LRRC31: variants seen among roughly 807,000 people sequenced by gnomAD.
The protein encoded by LRRC31 is leucine rich repeat containing 31, also known as leucine-rich repeat-containing protein 31.
Under a neutral mutation model 46.7 loss-of-function variants are expected in LRRC31, and 35 were observed. The observed-to-expected ratio is 0.75, with a 90% CI of 0.57 to 0.99. The LOEUF (loss-of-function observed/expected upper bound fraction) is 0.99, where lower values mean the gene tolerates loss of function less well. Among genes scored for constraint, LRRC31 ranks in the 50% least tolerant of loss-of-function variants. LRRC31 has a pLI of 0.00. For synonymous variants in LRRC31, 236 were observed against 235.1 expected, an observed-to-expected ratio of 1.00 and a Z score of -0.03; for missense variants, 613 against 626.1, an observed-to-expected ratio of 0.98 and a Z score of 0.22.
In LRRC31 at chr3:169,861,070, CTT is replaced by C. The variant is rs11337221; in HGVS notation, c.320-344_320-343del. Among the ~76,000 whole-genome samples the C allele has an allele frequency of 2.1e-3, 261 of 124,976 alleles. 1 individual carries two copies. The highest frequency in any genetic ancestry group is 4.3e-3 in the African/African-American group (143 of 33,178). 82.0% of individuals were successfully genotyped at this position (124,976 alleles called of 152,430 possible). A position where few individuals can be genotyped will look rare whatever the true frequency, so the allele number is the denominator to read the frequency against. ...GATCAATTAACTTGTTTTTCTTTTC[CTT>C]TTTTTTTTTTTTTTTTCAGACGGAG... On this transcript the variant is annotated intron_variant, in intron 2 of 8. Coordinates refer to ENST00000316428, the MANE Select transcript of LRRC31 (RefSeq NM_024727.4).
chr3:169,868,914 TG>T (rs1781409305), intron 1 of LRRC31, among the ~76,000 whole-genome samples: 1 of 151,706 alleles, frequency 6.6e-6, no homozygotes, highest in Admixed American at 6.6e-5. Context: ...GTGTTGTTGG[TG>T]GGGGAGGTGT....
At chr3:169,844,306 AATT>A (rs1158070943) in intron 8 of LRRC31, among the ~76,000 whole-genome samples, 5 of 152,202 alleles carry the variant, frequency 3.3e-5, no homozygotes, top group African/African-American at 1.2e-4. Flanking sequence ...TAATATTATT[AATT>A]ATTATCATTC....
At chr3:169,866,500 G>A (rs1168903158) in intron 1 of LRRC31, among the ~76,000 whole-genome samples, 1 of 152,234 alleles carries the variant, frequency 6.6e-6, no homozygotes, top group Non-Finnish European at 1.5e-5. Context: ...GAACAAAAAT[G>A]AACAATTTTC....
chr3:169,846,156 G>A (rs1272737709), intron 8 of LRRC31, among the ~76,000 whole-genome samples: 2 of 152,172 alleles, frequency 1.3e-5, no homozygotes, highest in African/African-American at 4.8e-5. Flanking sequence ...AAATCACAAT[G>A]TTTTGTCCCC....
intron 2 of LRRC31, among the ~76,000 whole-genome samples, chr3:169,861,000 G>C (rs1338230690): frequency 6.6e-6 from 1 of 151,848 alleles, no homozygotes; most frequent in African/African-American, 2.4e-5. Flanking sequence ...ATTTCATACA[G>C]CCTCTTTTCC....
At chr3:169,843,334 G>T (rs1780507957) in intron 8 of LRRC31, among the ~76,000 whole-genome samples, 1 of 152,122 alleles carries the variant, frequency 6.6e-6, no homozygotes, top group African/African-American at 2.4e-5. Flanking sequence ...AAGCTGCAAG[G>T]TCCTCGACTC....
intron 3 of LRRC31, among the ~76,000 whole-genome samples, chr3:169,859,310 C>CG (rs796284460): frequency 5.9e-4 from 33 of 55,968 alleles, no homozygotes; most frequent in Admixed American, 5.1e-3. Flanking sequence ...AAAAAAAGGC[C>CG]GGGGGGGCGG....
chr3:169,862,348 G>A (rs1174384963), intron 1 of LRRC31, among the ~76,000 whole-genome samples: 1 of 152,170 alleles, frequency 6.6e-6, no homozygotes, highest in East Asian at 1.9e-4. Flanking sequence ...CTAGGCCTGG[G>A]AGAGCTTTTG....
At chr3:169,846,942 A>C (rs188144055) in intron 8 of LRRC31, among the ~76,000 whole-genome samples, 1 of 152,152 alleles carries the variant, frequency 6.6e-6, no homozygotes, top group Non-Finnish European at 1.5e-5. Flanking sequence ...TGCATAACAC[A>C]TGATTTTTAG....
intron 3 of LRRC31, among the ~76,000 whole-genome samples, chr3:169,857,345 T>TATATATACATACACAC (rs1491209579): frequency 1.1e-5 from 1 of 89,452 alleles, no homozygotes; most frequent in African/African-American, 4.7e-5. Flanking sequence ...TATATATATA[T>TATATATACATACACAC]ACACACACAC....
At chr3:169,856,680 T>A (rs1183811834) in intron 4 of LRRC31, 25 bp downstream of exon 4, 1 of 1,541,806 alleles carries the variant, frequency 6.5e-7, no homozygotes. Context: ...TTCACTTTTT[T>A]TTTTTCTCTT....
At chr3:169,841,032 C>T (rs943170475) in intron 8 of LRRC31, among the ~76,000 whole-genome samples, 1 of 152,190 alleles carries the variant, frequency 6.6e-6, no homozygotes, top group Admixed American at 6.5e-5. Context: ...AGAATCTCAG[C>T]GTTGCAAGGG....
In LRRC31 at chr3:169,840,240, A is replaced by C. The variant is rs754053076; in HGVS notation, c.1401T>G (p.Asp467Glu). The change falls in exon 9 of 9, where the codon GAT becomes GAG. Residue 467 changes from aspartate to glutamate, a missense_variant. By Grantham distance (45) the Asp-to-Glu change is conservative. Transcript: ENST00000316428. ...TTTGGCAGAACATGGTCCACCCCGC[A>C]TCACAGATGCTGTCATTGTAGCTCA... is the stretch of plus-strand genomic sequence containing the variant. Reference protein sequence around the residue: ...LDLSYNDSICDAGWTMFCQNV... With the variant: ...LDLSYNDSICEAGWTMFCQNV... The C allele has an allele frequency of 5.1e-5, 82 of 1,614,044 alleles. No individual in the cohort carries two copies. In the South Asian group the frequency reaches 7.5e-4, roughly 15 times the overall value.
chr3:169,848,066 G>C (rs921775113), intron 8 of LRRC31, 54 bp downstream of exon 8: 37 of 1,558,992 alleles, frequency 2.4e-5, no homozygotes, highest in Admixed American at 8.6e-5. Context: ...CTTTGCAGGG[G>C]CCGCACCCAC....
intron 8 of LRRC31, among the ~76,000 whole-genome samples, chr3:169,845,969 C>G (rs1780592423): frequency 6.6e-6 from 1 of 152,182 alleles, no homozygotes; most frequent in African/African-American, 2.4e-5. Flanking sequence ...AAAGGACTTA[C>G]TTGTATTCAG....
intron 1 of LRRC31, among the ~76,000 whole-genome samples, chr3:169,864,934 A>G (rs1351329682): frequency 1.3e-5 from 2 of 152,136 alleles, no homozygotes; most frequent in East Asian, 3.9e-4. Flanking sequence ...AAAATTTGCC[A>G]GGCGTACTGG....
intron 6 of LRRC31, among the ~76,000 whole-genome samples, chr3:169,852,472 A>G (rs1226592021): frequency 6.6e-6 from 1 of 152,152 alleles, no homozygotes; most frequent in Non-Finnish European, 1.5e-5. Flanking sequence ...TGGGAAGGTA[A>G]AATGACTTGG....
In LRRC31 at chr3:169,869,697, A is replaced by T. The variant is rs1781432377; in HGVS notation, c.111T>A (p.Asn37Lys). ...GSNAESRKED[N>K]DLKTSDSQPS... Reference sequence around the variant, plus strand: ...GTTGGGAATCACTTGTTTTAAGGTCATTGTCCTCTTTTCTGCTTTCAGCAT... The same window carrying T: ...GTTGGGAATCACTTGTTTTAAGGTCTTTGTCCTCTTTTCTGCTTTCAGCAT... The change falls in exon 1 of 9, where the codon AAT becomes AAA. Residue 37 changes from asparagine (N) to lysine (K), a missense_variant. Transcript: ENST00000316428. 6.2e-7 allele frequency: 1 copy of T among 1,612,962 alleles called. No individual in the cohort carries two copies. The highest frequency in any genetic ancestry group is 8.5e-7 in the Non-Finnish European group (1 of 1,179,718).
chr3:169,869,528 T>G, intron 1 of LRRC31, 105 bp downstream of exon 1: 2 of 956,306 alleles, frequency 2.1e-6, no homozygotes, highest in Non-Finnish European at 3.0e-6. Flanking sequence ...CATAAATATA[T>G]ACACCTACTA....
Sources: allele counts gnomAD v4.1 joint callset (sites outside exome capture counted in the v4.1 genomes callset), GRCh38; gene constraint gnomAD v4.1.1; transcripts MANE v1.5; gene names NCBI Gene and HGNC (gene_info 2026-07-23, HGNC 2026-07-21).